Variants in PTBP3 observed in about 807,000 individuals in gnomAD.
The protein encoded by PTBP3 is polypyrimidine tract-binding protein 3.
A neutral mutation model predicts 58.7 loss-of-function variants in PTBP3; 20 were observed. That is an observed-to-expected ratio of 0.34 (90% CI 0.24 to 0.50). The LOEUF (loss-of-function observed/expected upper bound fraction) is 0.50, where lower values mean the gene tolerates loss of function less well. Ranked by LOEUF, PTBP3 falls within the 20% of genes least tolerant of loss-of-function variation. The pLI is 0.98. For missense variants in PTBP3, 509 were observed against 637.2 expected, an observed-to-expected ratio of 0.80 and a Z score of 2.17; for synonymous variants, 185 against 219.8, an observed-to-expected ratio of 0.84 and a Z score of 1.40.
the PTBP3 span, among the ~76,000 whole-genome samples, chr9:112,344,761 TAAG>T: frequency 1.3e-5 from 2 of 152,232 alleles, no homozygotes; most frequent in African/African-American, 4.8e-5. Context: ...GAGAGTTTAA[TAAG>T]AAGTCTGGGT....
chr9:112,328,441 G>T (rs1304628749), intron 1 of PTBP3, among the ~76,000 whole-genome samples: 1 of 152,208 alleles, frequency 6.6e-6, no homozygotes, highest in Non-Finnish European at 1.5e-5. Context: ...TCTGACCTTT[G>T]TTTACAAAGT....
the PTBP3 span, among the ~76,000 whole-genome samples, chr9:112,353,055 C>A: frequency 6.6e-6 from 1 of 152,094 alleles, no homozygotes; most frequent in South Asian, 2.1e-4. Flanking sequence ...TGCCTGCCAC[C>A]ACGCCTGGTT....
Position 112,223,062 on chromosome 9 carries a change from TAA to T in PTBP3, c.*787_*788del, listed in dbSNP as rs1834858245. ...TTCCAAGATCATATTACTTGACAAA[TAA>T]GTGTCATTTTGAAATTTAAAACATG... On this transcript the variant is annotated 3_prime_UTR_variant, in exon 14 of 14. Transcript: ENST00000374257. 1.2e-6 allele frequency: 1 copy of T among 853,618 alleles called. No homozygotes were observed. Among genetic ancestry groups the T allele is most frequent in the Non-Finnish European group, 1.4e-6 (1 of 709,706 alleles). 52.9% of individuals were successfully genotyped at this position (853,618 alleles called of 1,614,324 possible). A position where few individuals can be genotyped will look rare whatever the true frequency, so the allele number is the denominator to read the frequency against.
In PTBP3 at chr9:112,219,975, A is replaced by G. The variant is rs542347573; in HGVS notation, c.*3876T>C. The G allele has an allele frequency of 1.5e-6, 1 of 685,358 alleles. No individual in the cohort carries two copies. The highest frequency in any genetic ancestry group is 1.9e-6 in the Non-Finnish European group (1 of 534,772). 42.5% of individuals were successfully genotyped at this position (685,358 alleles called of 1,614,324 possible). A position where few individuals can be genotyped will look rare whatever the true frequency, so the allele number is the denominator to read the frequency against. Reference sequence around the variant, plus strand: ...GAGTTATATTTTCAAATTTTGTGCAATCTAAATTGTATTTCTTTCAGCACA... The same window carrying G: ...GAGTTATATTTTCAAATTTTGTGCAGTCTAAATTGTATTTCTTTCAGCACA... On this transcript the variant is annotated 3_prime_UTR_variant, in exon 14 of 14. Transcript: ENST00000374257.
chr9:112,302,133 G>A (rs1403825242), intron 1 of PTBP3, among the ~76,000 whole-genome samples: 4 of 151,966 alleles, frequency 2.6e-5, no homozygotes, highest in South Asian at 2.1e-4. Context: ...ATTACAAAAC[G>A]CAGATAACAT....
intron 1 of PTBP3, among the ~76,000 whole-genome samples, chr9:112,331,082 A>C (rs1366089627): frequency 7.2e-6 from 1 of 139,434 alleles, no homozygotes; most frequent in African/African-American, 2.6e-5. Context: ...GGAGGAAACG[A>C]ACACACACAC....
intron 7 of PTBP3, among the ~76,000 whole-genome samples, chr9:112,250,142 C>A (rs1450806157): frequency 6.6e-6 from 1 of 151,962 alleles, no homozygotes; most frequent in Non-Finnish European, 1.5e-5. Flanking sequence ...AATTTTCTCA[C>A]CTATAAAACA....
intron 1 of PTBP3, among the ~76,000 whole-genome samples, chr9:112,304,334 T>C (rs1829074943): frequency 6.6e-6 from 1 of 152,206 alleles, no homozygotes. Context: ...ATGAGATTTG[T>C]TTAGAGAAAA....
chr9:112,268,281 A>C, intron 3 of PTBP3, 86 bp from the exon 4 acceptor site: 1 of 1,348,040 alleles, frequency 7.4e-7, no homozygotes, highest in Non-Finnish European at 9.8e-7. Context: ...CTTGCTCTAA[A>C]CCCATGCACT....
rs768715181 is a variant in PTBP3 at position 112,250,996 on chromosome 9, G to T, written c.735C>A (p.Phe245Leu). ...VKYNNDKSRD[F>L]TRLDLPTGDG... is the part of the protein sequence containing the mutation. ...CACCAGTAGGAAGGTCTAAGCGAGT[G>T]AAGTCTCTGCTTTTGTCATTATTAT... The change falls in exon 7 of 14, where the codon TTC (phenylalanine) becomes TTA (leucine). Residue 245 changes from phenylalanine to leucine, a missense_variant. Physicochemically the swap from Phe to Leu is conservative, Grantham distance 22. Transcript: ENST00000374257. The T allele has an allele frequency of 1.2e-6, 2 of 1,612,542 alleles. No homozygotes were observed. The highest frequency in any genetic ancestry group is 1.7e-5 in the Admixed American group (1 of 59,824).
chr9:112,289,272 C>A (rs999747993), intron 2 of PTBP3, among the ~76,000 whole-genome samples: 5 of 152,144 alleles, frequency 3.3e-5, no homozygotes, highest in Admixed American at 6.5e-5. Context: ...CCTTAGAGCA[C>A]TGACTACTTC....
the PTBP3 span, among the ~76,000 whole-genome samples, chr9:112,339,666 C>T: frequency 2.2e-4 from 33 of 151,382 alleles, no homozygotes; most frequent in African/African-American, 6.3e-4. Flanking sequence ...CAGGTTCAAG[C>T]GATTCTCCTG....
chr9:112,323,515 G>T (rs1341024083), intron 1 of PTBP3, among the ~76,000 whole-genome samples: 2 of 152,196 alleles, frequency 1.3e-5, no homozygotes, highest in Non-Finnish European at 2.9e-5. Flanking sequence ...CGGTCAATAT[G>T]TCACTGGCTG....
chr9:112,260,597 G>C (rs1836552554), intron 5 of PTBP3, among the ~76,000 whole-genome samples: 2 of 152,162 alleles, frequency 1.3e-5, no homozygotes, highest in Non-Finnish European at 2.9e-5. Flanking sequence ...AGAAATACAA[G>C]ACAGAAATGG....
intron 5 of PTBP3, among the ~76,000 whole-genome samples, chr9:112,260,998 T>G (rs951616905): frequency 6.6e-6 from 1 of 152,244 alleles, no homozygotes; most frequent in Non-Finnish European, 1.5e-5. Flanking sequence ...TGCTGGCTGA[T>G]GGCAGTGTTG....
intron 2 of PTBP3, among the ~76,000 whole-genome samples, chr9:112,290,544 T>G (rs1391428606): frequency 6.6e-6 from 1 of 151,346 alleles, no homozygotes; most frequent in African/African-American, 2.4e-5. Flanking sequence ...TAGTGGCACG[T>G]GCCTGTAATC....
At chr9:112,368,528 T>C in the PTBP3 span, among the ~76,000 whole-genome samples, 2 of 680 alleles carry the variant, frequency 2.9e-3, no homozygotes, top group Admixed American at 0.033. Flanking sequence ...AAATCTTGGC[T>C]TTTTTTTTTT....
intron 9 of PTBP3, among the ~76,000 whole-genome samples, chr9:112,231,845 T>A (rs1835213032): frequency 6.7e-6 from 1 of 150,162 alleles, no homozygotes; most frequent in African/African-American, 2.5e-5. Context: ...GAAGCAGAGG[T>A]CACAGTGAGT....
chr9:112,314,235 A>G (rs1267298869), intron 1 of PTBP3, among the ~76,000 whole-genome samples: 2 of 152,232 alleles, frequency 1.3e-5, no homozygotes, highest in African/African-American at 4.8e-5. Context: ...ATCATAAGAA[A>G]GCTGGAATGG....
Sources: gnomAD v4.1 joint callset for allele counts (sites outside exome capture counted in the v4.1 genomes callset) on GRCh38, gnomAD v4.1.1 for gene constraint, MANE v1.5 for transcripts, NCBI Gene and HGNC (gene_info 2026-07-23, HGNC 2026-07-21) for gene names.